The following DMXL1 variants were observed in gnomAD, a reference collection of about 807,000 sequenced individuals.
DMXL1 encodes dmX-like protein 1.
A neutral mutation model predicts 319.2 loss-of-function variants in DMXL1; 99 were observed. The observed-to-expected ratio is 0.31, with a 90% CI of 0.26 to 0.37. The LOEUF is 0.37. DMXL1 is among the 10% of genes least tolerant of loss of function. The pLI, the probability that DMXL1 is intolerant of heterozygous loss-of-function variation, is 1.00. For synonymous variants in DMXL1, 1,385 were observed against 1,235.2 expected, an observed-to-expected ratio of 1.12 and a Z score of -2.54; for missense variants, 3,745 against 3,595.6, an observed-to-expected ratio of 1.04 and a Z score of -1.06.
At chr5:119,211,309 G>A (rs1350862758) in intron 34 of DMXL1, among the ~76,000 whole-genome samples, 1 of 152,046 alleles carries the variant, frequency 6.6e-6, no homozygotes, top group Non-Finnish European at 1.5e-5. Context: ...TAATTTTGGG[G>A]AATAATTTTT....
At chr5:119,110,403 A>G in intron 5 of DMXL1, 120 bp downstream of exon 5, 1 of 907,186 alleles carries the variant, frequency 1.1e-6, no homozygotes, top group Non-Finnish European at 1.6e-6. Context: ...TTAGTCTATG[A>G]TATGCTTTTT....
At chr5:119,090,332 G>A (rs1754481174) in intron 1 of DMXL1, among the ~76,000 whole-genome samples, 1 of 151,782 alleles carries the variant, frequency 6.6e-6, no homozygotes, top group Non-Finnish European at 1.5e-5. Flanking sequence ...CTTGGGGTTA[G>A]TATTATTTGG....
chr5:119,209,840 G>A lies in DMXL1; in HGVS notation c.7926+2944G>A, dbSNP rs142198904. Among the ~76,000 whole-genome samples the A allele has an allele frequency of 3.4e-3, 513 of 152,178 alleles. 3 individuals carry two copies. The highest frequency in any genetic ancestry group is 0.012 in the African/African-American group (505 of 41,522). ...ATGTTTATTTTGTATTAGGTTGCTTGTTTTCTTGATTCAATTTTAACAGTT... is the reference window on the plus strand; with the variant it reads ...ATGTTTATTTTGTATTAGGTTGCTTATTTTCTTGATTCAATTTTAACAGTT... On this transcript the variant is annotated intron_variant, in intron 34 of 43. Transcript: ENST00000539542.
chr5:119,232,962 G>T (rs1787053176), intron 38 of DMXL1, among the ~76,000 whole-genome samples: 1 of 151,524 alleles, frequency 6.6e-6, no homozygotes, highest in East Asian at 1.9e-4. Flanking sequence ...AGAAAAATGT[G>T]TATACATTTA....
Position 119,170,250 on chromosome 5 carries a change from A to T in DMXL1, c.5459A>T (p.His1820Leu). The T allele has an allele frequency of 6.2e-7, 1 of 1,613,320 alleles. No homozygotes were observed. Among genetic ancestry groups the T allele is most frequent in the Non-Finnish European group, 8.5e-7 (1 of 1,179,760 alleles). The change falls in exon 24 of 44, where the codon CAT becomes CTT. Residue 1820 changes from histidine (H) to leucine (L), a missense_variant. Physicochemically the swap from His to Leu is moderately conservative, Grantham distance 99 (BLOSUM62 -3). Around this residue, in one of 4 missense-constraint regions of DMXL1, gnomAD observed 1,382 missense variants for 1,269.5 expected, o/e 1.09. Transcript: ENST00000539542. ...VFNFYNYLRTHPLLLRRHFGS... is the reference protein window; with the variant it reads ...VFNFYNYLRTLPLLLRRHFGS... Reference sequence around the variant, plus strand: ...AATTTCTACAATTATCTAAGAACACATCCTCTTTTGCTGAGACGTCATTTT... The same window carrying T: ...AATTTCTACAATTATCTAAGAACACTTCCTCTTTTGCTGAGACGTCATTTT...
intron 34 of DMXL1, among the ~76,000 whole-genome samples, chr5:119,214,982 G>A (rs1458228495): frequency 6.6e-6 from 1 of 152,092 alleles, no homozygotes; most frequent in Non-Finnish European, 1.5e-5. Context: ...TGAACATTTA[G>A]TATACTTTAG....
At chr5:119,131,484 A>G (rs921034301) in intron 10 of DMXL1, among the ~76,000 whole-genome samples, 1 of 152,222 alleles carries the variant, frequency 6.6e-6, no homozygotes. Context: ...CTAATGTAGC[A>G]TACTGAGGTT....
At chr5:119,081,213 A>C (rs1752117616) in intron 1 of DMXL1, among the ~76,000 whole-genome samples, 1 of 152,188 alleles carries the variant, frequency 6.6e-6, no homozygotes, top group Non-Finnish European at 1.5e-5. Context: ...GGCAAAGAAG[A>C]CAGCTGCGTT....
At chr5:119,142,271 G>T (rs952364794) in intron 13 of DMXL1, among the ~76,000 whole-genome samples, 4 of 151,704 alleles carry the variant, frequency 2.6e-5, no homozygotes, top group Non-Finnish European at 5.9e-5. Flanking sequence ...CAGAATAGGA[G>T]AAAATATTTG....
chr5:119,144,355 AC>A (rs952474697), intron 14 of DMXL1, among the ~76,000 whole-genome samples, 180 bp from the exon 15 acceptor site: 1 of 151,748 alleles, frequency 6.6e-6, no homozygotes, highest in Non-Finnish European at 1.5e-5. Context: ...AATCATCTTG[AC>A]CTAAATTTTT....
chr5:119,184,720 A>C (rs1394589575), intron 28 of DMXL1, among the ~76,000 whole-genome samples: 1 of 152,162 alleles, frequency 6.6e-6, no homozygotes, highest in Non-Finnish European at 1.5e-5. Flanking sequence ...ACCTCATATA[A>C]GTGGAATTAT....
At chr5:119,232,775 A>AC (rs1289200413) in intron 38 of DMXL1, among the ~76,000 whole-genome samples, 1 of 151,842 alleles carries the variant, frequency 6.6e-6, no homozygotes, top group Non-Finnish European at 1.5e-5. Context: ...AGAGTTAAAG[A>AC]CCAGCCTTGG....
chr5:119,129,367 C>T lies in DMXL1; in HGVS notation c.1259C>T (p.Pro420Leu), dbSNP rs370656599. The T allele has an allele frequency of 2.5e-6, 4 of 1,613,792 alleles. No individual in the cohort carries two copies. The highest frequency in any genetic ancestry group is 2.2e-5 in the East Asian group (1 of 44,792). Residue 420 changes from proline (P) to leucine (L), a missense_variant, in exon 10 of 44, where the codon CCA (proline) becomes CTA (leucine). Around this residue, in one of 4 missense-constraint regions of DMXL1, gnomAD observed 2,096 missense variants for 1,985.4 expected, o/e 1.06. Coordinates refer to ENST00000539542, the MANE Select transcript of DMXL1 (RefSeq NM_001290321.3). ...LQQLRKSFEQ[P>L]SSEASVEDSN... The stretch of plus-strand genomic sequence containing the variant: ...CAACTTAGAAAAAGTTTTGAACAAC[C>T]ATCTTCTGAGGCCAGTGTAGAAGAT...
At chr5:119,109,314 ATGT>A (rs1274118057) in intron 4 of DMXL1, among the ~76,000 whole-genome samples, 2 of 152,144 alleles carry the variant, frequency 1.3e-5, no homozygotes, top group Admixed American at 1.3e-4. Context: ...TGATTTTTGT[ATGT>A]TATCTCAATA....
intron 15 of DMXL1, among the ~76,000 whole-genome samples, chr5:119,146,577 G>A (rs1043048977): frequency 2.0e-5 from 3 of 151,862 alleles, no homozygotes; most frequent in African/African-American, 7.2e-5. Flanking sequence ...TTTAATCTTT[G>A]TGAACAATTT....
chr5:119,171,721 G>A (rs1307061601), intron 24 of DMXL1, 57 bp from the exon 25 acceptor site: 1 of 1,389,990 alleles, frequency 7.2e-7, no homozygotes, highest in Non-Finnish European at 9.8e-7. Context: ...ATTTACTGAA[G>A]TAATGGTTTG....
chr5:119,217,044 TTC>T (rs1230874496), intron 35 of DMXL1, 57 bp downstream of exon 35: 69 of 1,018,400 alleles, frequency 6.8e-5, no homozygotes, highest in Non-Finnish European at 9.4e-5. Flanking sequence ...GGATAATATC[TTC>T]TGTTTTATCA....
intron 42 of DMXL1, among the ~76,000 whole-genome samples, chr5:119,241,865 C>A (rs1220039933): frequency 6.6e-6 from 1 of 152,146 alleles, no homozygotes; most frequent in Non-Finnish European, 1.5e-5. Context: ...TAAGTATATA[C>A]TCGCAACACT....
chr5:119,230,317 A>G (rs557426273), intron 38 of DMXL1, among the ~76,000 whole-genome samples: 1 of 152,200 alleles, frequency 6.6e-6, no homozygotes, highest in Admixed American at 6.5e-5. Context: ...AGATTATCCC[A>G]CATCAGATGA....
Sources: gnomAD v4.1 joint callset for allele counts (sites outside exome capture counted in the v4.1 genomes callset) on GRCh38, gnomAD v4.1.1 for gene constraint, gnomAD v4.1.1 regional missense constraint, MANE v1.5 for transcripts, NCBI Gene and HGNC (gene_info 2026-07-23, HGNC 2026-07-21) for gene names.